The following POLDIP2 variants were observed in gnomAD, a reference collection of about 807,000 sequenced individuals.
POLDIP2 encodes the protein polymerase delta-interacting protein 2.
In POLDIP2, 32 loss-of-function variants were observed where a neutral mutation model predicts 52.9. The observed-to-expected ratio is 0.61, with a 90% CI of 0.46 to 0.81. The LOEUF is 0.81. Ranked by LOEUF, POLDIP2 falls within the 40% of genes least tolerant of loss-of-function variation. The pLI is 0.00. For synonymous variants in POLDIP2, 183 were observed against 183.0 expected (o/e 1.00, Z 0.00); for missense variants, 371 against 477.3 (o/e 0.78, Z 2.07).
At chr17:28,354,791 G>C (rs782235208) in intron 2 of POLDIP2, among the ~76,000 whole-genome samples, 1 of 152,160 alleles carries the variant, frequency 6.6e-6, no homozygotes, top group Non-Finnish European at 1.5e-5. Context: ...TTAGGTAAAA[G>C]CTTAGGCCTC....
chr17:28,353,040 A>T, intron 5 of POLDIP2, 21 bp from the exon 6 acceptor site: 1 of 876,462 alleles, frequency 1.1e-6, no homozygotes, highest in Non-Finnish European at 2.0e-6. Flanking sequence ...GATGCAAAAG[A>T]CAGTGGTGAA....
chr17:28,349,067 G>A lies in POLDIP2; in HGVS notation c.992+16C>T. 1 of 1,596,844 alleles carries A rather than the reference G, an allele frequency of 6.3e-7. No homozygotes were observed. The highest frequency in any genetic ancestry group is 1.7e-5 in the Admixed American group (1 of 59,626). ...GTGGAGCTGGGTGGCCCCTACTGCT[G>A]TGCACACTCACTCACCACATGTGCC... On this transcript the variant is annotated intron_variant, in intron 10 of 10. Transcript: ENST00000540200.
At chr17:28,352,293 G>A (rs1011967347) in intron 6 of POLDIP2, among the ~76,000 whole-genome samples, 1 of 146,414 alleles carries the variant, frequency 6.8e-6, no homozygotes, top group African/African-American at 2.6e-5. Flanking sequence ...GATGGAGTGC[G>A]GTGGCATGAT....
intron 2 of POLDIP2, among the ~76,000 whole-genome samples, chr17:28,355,241 T>A (rs544736275): frequency 1.3e-5 from 2 of 152,224 alleles, no homozygotes; most frequent in Non-Finnish European, 2.9e-5. Context: ...CCTGTCCACA[T>A]TAACTTGGAA....
Position 28,355,873 on chromosome 17 carries a change from G to A in POLDIP2, c.165C>T (p.Asn55=). 1 of 1,611,322 alleles carries A rather than the reference G, an allele frequency of 6.2e-7. No homozygotes were observed. The highest frequency in any genetic ancestry group is 8.5e-7 in the Non-Finnish European group (1 of 1,178,364). ...TCTCCAACACTTTGCCCTCTGGTCG[G>A]TTTCTGAGTAGGAAGGAAAAGAACA... is the stretch of plus-strand genomic sequence containing the variant. ...TTTRRHLSSR[N]RPEGKVLETV... is the part of the protein sequence containing the mutation. Residue 55 remains asparagine, a synonymous_variant, in exon 2 of 11, where the codon AAC becomes AAT. Transcript: ENST00000540200.
At chr17:28,353,889 C>G (rs1907918466) in intron 3 of POLDIP2, 98 bp from the exon 4 acceptor site, 2 of 808,576 alleles carry the variant, frequency 2.5e-6, no homozygotes, top group Non-Finnish European at 4.4e-6. Flanking sequence ...AGGCTGGTCT[C>G]TGATCTAAAG....
rs1311607239 is a variant in POLDIP2 at position 28,347,824 on chromosome 17, C to T, written c.*293G>A. 2.9e-6 allele frequency: 1 copy of T among 347,910 alleles called. No homozygotes were observed. The highest frequency in any genetic ancestry group is 5.3e-6 in the Non-Finnish European group (1 of 188,938). The allele number at this position is 347,910 out of a possible 1,614,324, so 21.6% of individuals were successfully genotyped here. A position where few individuals can be genotyped will look rare whatever the true frequency, so the allele number is the denominator to read the frequency against. On this transcript the variant is annotated 3_prime_UTR_variant, in exon 11 of 11. Coordinates refer to ENST00000540200, the MANE Select transcript of POLDIP2 (RefSeq NM_015584.5). ...GCACTGGTTTACTGATCAAACCTCA[C>T]GTGACAGGCCAGGAAACTCCTCCAG...
In POLDIP2 at chr17:28,349,059, C is replaced by T. The variant is rs542945361; in HGVS notation, c.992+24G>A. The T allele has an allele frequency of 1.3e-6, 2 of 1,569,464 alleles. No homozygotes were observed. The highest frequency in any genetic ancestry group is 1.3e-5 in the African/African-American group (1 of 74,134). ...TTCTGTTTGTGGAGCTGGGTGGCCC[C>T]TACTGCTGTGCACACTCACTCACCA... On this transcript the variant is annotated intron_variant, in intron 10 of 10. Coordinates refer to ENST00000540200, the MANE Select transcript of POLDIP2 (RefSeq NM_015584.5).
chr17:28,349,249 T>G (rs1907704804), intron 9 of POLDIP2, 87 bp from the exon 10 acceptor site: 13 of 905,338 alleles, frequency 1.4e-5, no homozygotes, highest in Non-Finnish European at 2.3e-5. Flanking sequence ...TGCCAGTTCA[T>G]CAAGACTGGA....
At chr17:28,350,231 T>C (rs782339233) in intron 9 of POLDIP2, among the ~76,000 whole-genome samples, 7 of 152,234 alleles carry the variant, frequency 4.6e-5, no homozygotes, top group Non-Finnish European at 1.0e-4. Context: ...GGGCTGGTTA[T>C]TTAACTTCTC....
At position 28,350,567 on chromosome 17, in the gene POLDIP2, A is replaced by T. The variant is rs377145810; in HGVS notation, c.787-4T>A. On this transcript the variant is annotated splice_region_variant and splice_polypyrimidine_tract_variant and intron_variant, in intron 8 of 10. Transcript: ENST00000540200. ...CCAAACGGATACAGTAGCGCCACTG[A>T]GGTGGGTGTGGGAGAGAGAGTTTAA... 2.5e-6 allele frequency: 4 copies of T among 1,611,912 alleles called. No individual in the cohort carries two copies. Among genetic ancestry groups the T allele is most frequent in the Non-Finnish European group, 3.4e-6 (4 of 1,179,110 alleles).
rs1555580012 is a variant in POLDIP2, at chr17:28,351,780, C to T, written c.643G>A (p.Glu215Lys). 6.2e-7 allele frequency: 1 copy of T among 1,613,804 alleles called. No homozygotes were observed. Among genetic ancestry groups the T allele is most frequent in the South Asian group, 1.1e-5 (1 of 91,072 alleles). Residue 215 changes from glutamate (E) to lysine (K), a missense_variant, in exon 7 of 11, where the codon GAG (glutamate) becomes AAG (lysine). Transcript: ENST00000540200. ...QTKAPPFVAR[E>K]TLRAWQEKNH... is the part of the protein sequence containing the mutation. ...TTCTCTTGCCAGGCCCTTAGCGTCT[C>T]CCGAGCCACAAAAGGAGGTGCTGGG...
Position 28,357,414 on chromosome 17 carries a change from A to G in POLDIP2, c.35T>C (p.Val12Ala). The G allele has an allele frequency of 6.6e-7, 1 of 1,507,472 alleles. No homozygotes were observed. The highest frequency in any genetic ancestry group is 1.4e-5 in the African/African-American group (1 of 69,088). The allele number at this position is 1,507,472 out of a possible 1,614,324, so 93.4% of individuals were successfully genotyped here. Residue 12 changes from valine to alanine, a missense_variant, in exon 1 of 11, where the codon GTG becomes GCG. Physicochemically the swap from Val to Ala is moderately conservative, Grantham distance 64 (BLOSUM62 0). Coordinates refer to ENST00000540200, the MANE Select transcript of POLDIP2 (RefSeq NM_015584.5). Reference protein sequence around the residue: ...AACTARRALAVGSRWWSRSLT... With the variant: ...AACTARRALAAGSRWWSRSLT... ...CGACCGGGACCACCAGCGGCTGCCC[A>G]CGGCCAGGGCCCGCCGGGCTGTACA... is the stretch of plus-strand genomic sequence containing the variant.
chr17:28,350,214 G>A (rs984104149), intron 9 of POLDIP2, among the ~76,000 whole-genome samples: 6 of 152,128 alleles, frequency 3.9e-5, no homozygotes, highest in Non-Finnish European at 7.4e-5. Flanking sequence ...ACTAGCTATG[G>A]GACCATGGGC....
chr17:28,357,087 C>T (rs1908075609), intron 1 of POLDIP2, among the ~76,000 whole-genome samples: 1 of 152,244 alleles, frequency 6.6e-6, no homozygotes, highest in African/African-American at 2.4e-5. Context: ...CCCTGTACAA[C>T]CAGGGCTCTG....
At chr17:28,355,303 C>T (rs1001236361) in intron 2 of POLDIP2, among the ~76,000 whole-genome samples, 6 of 152,220 alleles carry the variant, frequency 3.9e-5, no homozygotes, top group Admixed American at 1.3e-4. Context: ...AACAGAAACC[C>T]TATCTATAAA....
At chr17:28,353,534 A>AAAAAAAAAAAAAAAAAAAAAAAAAC in intron 4 of POLDIP2, among the ~76,000 whole-genome samples, 161 bp downstream of exon 4, 1 of 147,356 alleles carries the variant, frequency 6.8e-6, no homozygotes, top group Non-Finnish European at 1.5e-5. Context: ...AAAAAAAAAA[A>AAAAAAAAAAAAAAAAAAAAAAAAAC]AGACGTGAAT....
chr17:28,354,341 G>A (rs1453531929), intron 3 of POLDIP2, 147 bp downstream of exon 3: 1 of 630,000 alleles, frequency 1.6e-6, no homozygotes, highest in African/African-American at 1.8e-5. Flanking sequence ...CAGCACTTTT[G>A]TCTCCATGGG....
At chr17:28,353,621 C>T (rs1907906028) in intron 4 of POLDIP2, 74 bp downstream of exon 4, 3 of 1,056,584 alleles carry the variant, frequency 2.8e-6, no homozygotes, top group Non-Finnish European at 4.4e-6. Flanking sequence ...ACCCCCTTCC[C>T]TCCCTTTGTC....
Sources: allele counts gnomAD v4.1 joint callset (sites outside exome capture counted in the v4.1 genomes callset), GRCh38; gene constraint gnomAD v4.1.1; transcripts MANE v1.5; gene names NCBI Gene and HGNC (gene_info 2026-07-23, HGNC 2026-07-21).